Variants in MSRB2 observed in about 807,000 individuals in gnomAD.
The protein encoded by MSRB2 is methionine sulfoxide reductase B2, also known as methionine-R-sulfoxide reductase B2, mitochondrial.
MSRB2 carries 17 observed loss-of-function variants against 19.0 expected under a neutral mutation model. The ratio of observed to expected loss-of-function variants is 0.89; its 90% CI spans 0.61 to 1.34. The LOEUF (loss-of-function observed/expected upper bound fraction) is 1.34. MSRB2 is among the 40% of genes most tolerant of loss of function. The pLI is 0.00. For synonymous variants in MSRB2, 107 were observed against 99.7 expected (o/e 1.07, Z -0.44); for missense variants, 208 against 237.6 (o/e 0.88, Z 0.82).
In MSRB2 at chr10:23,120,924, C is replaced by A; in HGVS notation, c.*62C>A. The A allele has an allele frequency of 7.9e-7, 1 of 1,260,826 alleles. No individual in the cohort carries two copies. Among genetic ancestry groups the A allele is most frequent in the Non-Finnish European group, 1.1e-6 (1 of 875,318 alleles). The allele number at this position is 1,260,826 out of a possible 1,614,324, so 78.1% of individuals were successfully genotyped here. A position where few individuals can be genotyped will look rare whatever the true frequency, so the allele number is the denominator to read the frequency against. ...ACGTGCACCCTCAATTTCCACAATT[C>A]ACTTGAATGACTTGTTTTATTTGCA... On this transcript the variant is annotated 3_prime_UTR_variant, in exon 5 of 5. Transcript: ENST00000376510.
chr10:23,097,628 A>G (rs1839882135), intron 1 of MSRB2, among the ~76,000 whole-genome samples: 1 of 152,240 alleles, frequency 6.6e-6, no homozygotes, highest in South Asian at 2.1e-4. Context: ...GGGAGAACAT[A>G]TAATATTCAG....
Position 23,119,342 on chromosome 10 carries a change from C to T in MSRB2, c.335C>T (p.Ser112Leu), listed in dbSNP as rs1259507732. Residue 112 changes from serine to leucine, a missense_variant, in exon 4 of 5, where the codon TCG becomes TTG. By Grantham distance (145) the Ser-to-Leu change is moderately radical (BLOSUM62 -2). Transcript: ENST00000376510. The part of the protein sequence containing the change: ...KKYCSGTGWP[S>L]FSEAHGTSGS... ...TACTGCTCTGGCACTGGGTGGCCTT[C>T]GTTTTCCGAGGCTCATGGTACGTCT... is the stretch of plus-strand genomic sequence containing the variant. 6 of 1,614,008 alleles carry T rather than the reference C, an allele frequency of 3.7e-6. No individual in the cohort carries two copies. Among genetic ancestry groups the T allele is most frequent in the South Asian group, 1.1e-5 (1 of 91,082 alleles).
chr10:23,118,637 G>A (rs774498085), intron 3 of MSRB2, among the ~76,000 whole-genome samples: 48 of 152,114 alleles, frequency 3.2e-4, no homozygotes, highest in Admixed American at 7.9e-4. Flanking sequence ...CACCATCACA[G>A]CAAGCATTCA....
intron 4 of MSRB2, 75 bp downstream of exon 4, chr10:23,119,526 A>C: frequency 6.5e-7 from 1 of 1,534,566 alleles, no homozygotes; most frequent in East Asian, 2.3e-5. Context: ...GTTCTTGGCA[A>C]ATCTGGTGTC....
At chr10:23,095,975 C>T (rs1203322192) in intron 1 of MSRB2, among the ~76,000 whole-genome samples, 1 of 151,630 alleles carries the variant, frequency 6.6e-6, no homozygotes, top group Non-Finnish European at 1.5e-5. Flanking sequence ...TAAATGTGCG[C>T]ATAATTTTTT....
intron 2 of MSRB2, among the ~76,000 whole-genome samples, chr10:23,107,759 C>T (rs10828409): frequency 0.21 from 32,317 of 152,062 alleles, 3,581 homozygotes; most frequent in Middle Eastern, 0.32. Context: ...CTCTGCAACA[C>T]TAGCACCCAG....
chr10:23,099,660 A>G (rs1839905554), intron 1 of MSRB2, among the ~76,000 whole-genome samples: 1 of 152,220 alleles, frequency 6.6e-6, no homozygotes, highest in South Asian at 2.1e-4. Flanking sequence ...TCAAGGCTGT[A>G]GTGTACTTTG....
intron 3 of MSRB2, among the ~76,000 whole-genome samples, chr10:23,112,691 C>A (rs1024450465): frequency 6.6e-6 from 1 of 152,164 alleles, no homozygotes; most frequent in Non-Finnish European, 1.5e-5. Context: ...CAGGTTGAAG[C>A]GATTCTCCTG....
chr10:23,107,584 C>T (rs1293566515), intron 2 of MSRB2, among the ~76,000 whole-genome samples: 1 of 152,150 alleles, frequency 6.6e-6, no homozygotes, highest in African/African-American at 2.4e-5. Flanking sequence ...TACAGTCAGC[C>T]TTTGTGGAAA....
rs138613475 is a variant in MSRB2 at position 23,113,555 on chromosome 10, A to G, written c.296+3237A>G. On this transcript the variant is annotated intron_variant, in intron 3 of 4. Coordinates refer to ENST00000376510, the MANE Select transcript of MSRB2 (RefSeq NM_012228.4). ...TATGCTTCTTGGACAAGGCTCATGG[A>G]AGTTGTTATGGGATGAATTGTGTCT... Among the ~76,000 whole-genome samples, 1,094 of 152,228 alleles carry G rather than the reference A, an allele frequency of 7.2e-3. 17 individuals are homozygous for G. Among genetic ancestry groups the G allele is most frequent in the South Asian group, 0.026 (124 of 4,828 alleles).
chr10:23,112,590 G>A (rs1840068422), intron 3 of MSRB2, among the ~76,000 whole-genome samples: 1 of 152,080 alleles, frequency 6.6e-6, no homozygotes, highest in Non-Finnish European at 1.5e-5. Flanking sequence ...TGTTTTTGTT[G>A]TTTTGTTTTG....
intron 3 of MSRB2, among the ~76,000 whole-genome samples, chr10:23,114,121 G>A (rs536448009): frequency 2.8e-4 from 42 of 152,230 alleles, no homozygotes; most frequent in African/African-American, 1.0e-3. Flanking sequence ...AGGCCAAGGC[G>A]GGTGGATCAC....
At chr10:23,115,237 C>T (rs1340054341) in intron 3 of MSRB2, among the ~76,000 whole-genome samples, 1 of 152,190 alleles carries the variant, frequency 6.6e-6, no homozygotes, top group Non-Finnish European at 1.5e-5. Context: ...AGTGACATTG[C>T]CCATCACTGC....
At chr10:23,114,272 C>G (rs150590980) in intron 3 of MSRB2, among the ~76,000 whole-genome samples, 2,195 of 151,688 alleles carry the variant, frequency 0.014, 142 homozygotes, top group Admixed American at 0.11. Flanking sequence ...ATTGCTTGAA[C>G]CCAGGAGGTA....
At chr10:23,109,742 T>C (rs979085522) in intron 2 of MSRB2, among the ~76,000 whole-genome samples, 1 of 152,200 alleles carries the variant, frequency 6.6e-6, no homozygotes, top group African/African-American at 2.4e-5. Flanking sequence ...TTATTTAACA[T>C]TTATTAAGTA....
In MSRB2 at chr10:23,114,211, G is replaced by A. The variant is rs141709017; in HGVS notation, c.296+3893G>A. On this transcript the variant is annotated intron_variant, in intron 3 of 4. Transcript: ENST00000376510. ...CTAAAAATACAAAAACTAGTTGGGC[G>A]TGGTAGCACATGCCTGTAATCCCAG... Among the ~76,000 whole-genome samples, 756 of 152,126 alleles carry A rather than the reference G, an allele frequency of 5.0e-3. 23 individuals carry two copies. The highest frequency in any genetic ancestry group is 0.023 in the East Asian group (117 of 5,160).
Position 23,120,901 on chromosome 10 carries a change from G to C in MSRB2, c.*39G>C. 2 of 1,469,912 alleles carry C rather than the reference G, an allele frequency of 1.4e-6. No homozygotes were observed. Among genetic ancestry groups the C allele is most frequent in the Non-Finnish European group, 1.9e-6 (2 of 1,056,584 alleles). 91.1% of individuals were successfully genotyped at this position (1,469,912 alleles called of 1,614,324 possible). ...TCCCGTTCCCTTGCCACCCCTTCAC[G>C]TGCACCCTCAATTTCCACAATTCAC... On this transcript the variant is annotated 3_prime_UTR_variant, in exon 5 of 5. Coordinates refer to ENST00000376510, the MANE Select transcript of MSRB2 (RefSeq NM_012228.4).
chr10:23,120,477 C>G (rs1840169214), intron 4 of MSRB2, among the ~76,000 whole-genome samples: 1 of 152,154 alleles, frequency 6.6e-6, no homozygotes, highest in South Asian at 2.1e-4. Flanking sequence ...CCCCACAGCT[C>G]TCTTATGTAG....
At chr10:23,109,859 A>G (rs1366960821) in intron 2 of MSRB2, among the ~76,000 whole-genome samples, 1 of 152,234 alleles carries the variant, frequency 6.6e-6, no homozygotes, top group Admixed American at 6.5e-5. Flanking sequence ...GAGATTTCAA[A>G]GTATGTTAGA....
Sources: gnomAD v4.1 joint callset for allele counts (sites outside exome capture counted in the v4.1 genomes callset) on GRCh38, gnomAD v4.1.1 for gene constraint, MANE v1.5 for transcripts, NCBI Gene and HGNC (gene_info 2026-07-23, HGNC 2026-07-21) for gene names.